NRXN1: variants seen among roughly 807,000 people sequenced by gnomAD.
The protein encoded by NRXN1 is neurexin 1.
In NRXN1, 39 loss-of-function variants were observed where a neutral mutation model predicts 150.9. The ratio of observed to expected loss-of-function variants is 0.26; its 90% confidence interval spans 0.20 to 0.34. The LOEUF (loss-of-function observed/expected upper bound fraction) is 0.34, where lower values mean the gene tolerates loss of function less well. NRXN1 is among the 10% of genes least tolerant of loss of function. The probability of loss-of-function intolerance (pLI) is 1.00; values close to 1 mark genes in which losing one functional copy is unlikely to be tolerated. For synonymous variants in NRXN1, 924 were observed against 757.0 expected (o/e 1.22, Z -3.62); for missense variants, 1,815 against 1,949.9 (o/e 0.93, Z 1.30).
At chr2:50,563,697 G>T (rs1558942813) in intron 8 of NRXN1, among the ~76,000 whole-genome samples, 1 of 152,140 alleles carries the variant, frequency 6.6e-6, no homozygotes, top group African/African-American at 2.4e-5. Flanking sequence ...GCCTGAAATG[G>T]ACTGTTTAAT....
rs537742740 is a variant in NRXN1 at position 50,996,479 on chromosome 2, A to T, written c.772+31023T>A. 5.5e-4 allele frequency among the ~76,000 whole-genome samples: 84 copies of T among 152,244 alleles called. No homozygotes were observed. The Middle Eastern group carries it at 0.014, about 25-fold the overall frequency. ...TGTATTTATATTTTCATAGAACTAC[A>T]TATTTATTTCTCACATATTTAATTA... On this transcript the variant is annotated intron_variant, in intron 2 of 22. Coordinates refer to ENST00000401669, the MANE Select transcript of NRXN1 (RefSeq NM_001330078.2).
intron 5 of NRXN1, among the ~76,000 whole-genome samples, chr2:50,679,913 A>T (rs971945284): frequency 3.3e-5 from 5 of 152,070 alleles, no homozygotes; most frequent in African/African-American, 9.7e-5. Context: ...TGGGCAGATC[A>T]CTTGAGCCCA....
At chr2:49,937,238 C>CAAGCACA (rs1671209241) in intron 22 of NRXN1, among the ~76,000 whole-genome samples, 1 of 152,224 alleles carries the variant, frequency 6.6e-6, no homozygotes. Flanking sequence ...AGCCCATTTG[C>CAAGCACA]AAGCACAGTT....
intron 21 of NRXN1, among the ~76,000 whole-genome samples, chr2:50,021,931 AC>A (rs780295264): frequency 1.3e-5 from 2 of 152,088 alleles, no homozygotes; most frequent in African/African-American, 2.4e-5. Context: ...GCTCACTGCA[AC>A]CTCCACTTCC....
At chr2:50,485,813 C>T (rs1252178605) in intron 15 of NRXN1, among the ~76,000 whole-genome samples, 1 of 152,166 alleles carries the variant, frequency 6.6e-6, no homozygotes, top group Non-Finnish European at 1.5e-5. Flanking sequence ...AGGAGGAATT[C>T]GAGGGATCTG....
chr2:50,384,505 CAAAAAAAAAAAAA>C (rs56052881), intron 17 of NRXN1, among the ~76,000 whole-genome samples: 10 of 55,970 alleles, frequency 1.8e-4, no homozygotes, highest in Non-Finnish European at 3.5e-4. Flanking sequence ...GACTCCATCT[CAAAAAAAAAAAAA>C]AAAAAAAAAA....
At chr2:50,627,940 CTGTT>C (rs965759508) in intron 5 of NRXN1, among the ~76,000 whole-genome samples, 38 of 151,774 alleles carry the variant, frequency 2.5e-4, no homozygotes, top group African/African-American at 8.7e-4. Context: ...AGAAAAAAAA[CTGTT>C]TGTGAAGATA....
chr2:50,159,009 A>G (rs2059203922), intron 18 of NRXN1, among the ~76,000 whole-genome samples: 1 of 152,128 alleles, frequency 6.6e-6, no homozygotes, highest in Non-Finnish European at 1.5e-5. Flanking sequence ...ACTCAAGCAG[A>G]AAATGAACAG....
At chr2:50,116,878 C>G (rs529533472) in intron 18 of NRXN1, among the ~76,000 whole-genome samples, 1 of 152,202 alleles carries the variant, frequency 6.6e-6, no homozygotes, top group East Asian at 1.9e-4. Flanking sequence ...TGACTTGATG[C>G]TGCTGTTTTC....
intron 17 of NRXN1, among the ~76,000 whole-genome samples, chr2:50,419,543 C>A (rs1304101784): frequency 6.6e-6 from 1 of 151,130 alleles, no homozygotes; most frequent in Non-Finnish European, 1.5e-5. Flanking sequence ...CATTTTTGTC[C>A]AATTTTCATT....
At chr2:50,610,642 C>CATACATATAT (rs1553879967) in intron 8 of NRXN1, among the ~76,000 whole-genome samples, 30 of 42,866 alleles carry the variant, frequency 7.0e-4, no homozygotes, top group African/African-American at 1.9e-3. Context: ...TAAATAGATA[C>CATACATATAT]ATATATATAT....
intron 8 of NRXN1, among the ~76,000 whole-genome samples, chr2:50,567,954 T>C (rs1204433838): frequency 6.6e-6 from 1 of 152,126 alleles, no homozygotes; most frequent in Admixed American, 6.6e-5. Context: ...TAAAATACAA[T>C]GTCTGTGGAG....
At chr2:49,993,556 T>C (rs1019410342) in intron 21 of NRXN1, among the ~76,000 whole-genome samples, 2 of 152,198 alleles carry the variant, frequency 1.3e-5, no homozygotes, top group Admixed American at 6.5e-5. Flanking sequence ...TGGTTGATTA[T>C]GATGTGTCAA....
At chr2:50,742,607 C>CAA (rs376431319) in intron 5 of NRXN1, among the ~76,000 whole-genome samples, 37 of 69,804 alleles carry the variant, frequency 5.3e-4, no homozygotes, top group Middle Eastern at 6.8e-3. Context: ...GACTCCGTCT[C>CAA]AAAAAAAAAA....
At chr2:50,677,541 C>G (rs1467370545) in intron 5 of NRXN1, among the ~76,000 whole-genome samples, 1 of 152,102 alleles carries the variant, frequency 6.6e-6, no homozygotes, top group Non-Finnish European at 1.5e-5. Context: ...TTCAGTTACA[C>G]AGCTAATCAA....
chr2:50,808,748 T>A (rs1474642914), intron 5 of NRXN1, among the ~76,000 whole-genome samples: 1 of 152,142 alleles, frequency 6.6e-6, no homozygotes, highest in Non-Finnish European at 1.5e-5. Context: ...GACTTCACAC[T>A]TTTATAACGA....
Position 50,357,500 on chromosome 2 carries a change from G to A in NRXN1, c.3364+107942C>T, listed in dbSNP as rs141594341. Among the ~76,000 whole-genome samples, 1,249 of 151,896 alleles carry A rather than the reference G, an allele frequency of 8.2e-3. 39 individuals carry two copies. The East Asian group carries it at 0.11, about 14-fold the overall frequency. ...ATTTTGTATTTTTAGTAGAGATGGG[G>A]TTTCTCCATGTTAGTCAGGCTGATC... On this transcript the variant is annotated intron_variant, in intron 17 of 22. Coordinates refer to ENST00000401669, the MANE Select transcript of NRXN1 (RefSeq NM_001330078.2).
intron 18 of NRXN1, among the ~76,000 whole-genome samples, chr2:50,100,336 A>G (rs1232636446): frequency 6.6e-6 from 1 of 152,068 alleles, no homozygotes; most frequent in Non-Finnish European, 1.5e-5. Flanking sequence ...AAGGATGGAC[A>G]GATCTTGAGC....
intron 21 of NRXN1, among the ~76,000 whole-genome samples, chr2:50,048,962 A>G (rs1172456947): frequency 6.6e-6 from 1 of 152,100 alleles, no homozygotes; most frequent in African/African-American, 2.4e-5. Flanking sequence ...TTTTCTCAAC[A>G]TTGTTGAAAT....
Sources: allele counts gnomAD v4.1 joint callset (sites outside exome capture counted in the v4.1 genomes callset), GRCh38; gene constraint gnomAD v4.1.1; transcripts MANE v1.5; gene names NCBI Gene and HGNC (gene_info 2026-07-23, HGNC 2026-07-21).